TNFRSF9: variants seen among roughly 807,000 people sequenced by gnomAD.
TNFRSF9 encodes the protein TNF receptor superfamily member 9, also known as tumor necrosis factor receptor superfamily member 9.
A neutral mutation model predicts 28.8 loss-of-function variants in TNFRSF9; 16 were observed. That is an observed-to-expected ratio of 0.55 (90% CI 0.38 to 0.84). The LOEUF (loss-of-function observed/expected upper bound fraction) is 0.84. Among genes scored for constraint, TNFRSF9 ranks in the 40% least tolerant of loss-of-function variants. TNFRSF9 has a pLI of 0.00. For synonymous variants in TNFRSF9, 131 were observed against 117.0 expected (o/e 1.12, Z -0.77); for missense variants, 303 against 315.0 (o/e 0.96, Z 0.29).
intron 7 of TNFRSF9, among the ~76,000 whole-genome samples, chr1:7,930,306 C>T (rs919152724): frequency 2.0e-5 from 3 of 152,090 alleles, no homozygotes; most frequent in African/African-American, 7.2e-5. Context: ...GAACCCGGGT[C>T]GTGATGGCGA....
intron 6 of TNFRSF9, among the ~76,000 whole-genome samples, chr1:7,934,186 A>G (rs1461255101): frequency 6.6e-6 from 1 of 152,052 alleles, no homozygotes; most frequent in Non-Finnish European, 1.5e-5. Context: ...GAGCAGCCTG[A>G]GCAACATAGC....
chr1:7,920,772 C>CG lies in TNFRSF9; in HGVS notation c.*62dup. On this transcript the variant is annotated 3_prime_UTR_variant, in exon 8 of 8. Transcript: ENST00000377507. ...TTCTTGCTTTTGAAAGCTGTGATAGCGGATGACTCATATTTCCTTGCTTCT... is the reference window on the plus strand; with the variant it reads ...TTCTTGCTTTTGAAAGCTGTGATAGCGGGATGACTCATATTTCCTTGCTTCT... The CG allele has an allele frequency of 7.8e-7, 1 of 1,279,450 alleles. No individual in the cohort carries two copies. The allele number at this position is 1,279,450 out of a possible 1,614,324, so 79.3% of individuals were successfully genotyped here.
Position 7,920,913 on chromosome 1 carries a change from T to C in TNFRSF9, c.690A>G (p.Arg230=). ...LLYIFKQPFM[R]PVQTTQEEDG... Reference sequence around the variant, plus strand: ...CTTCCTCTTGAGTAGTTTGTACTGGTCTCATAAATGCTAAAAAAAAAATTT... The same window carrying C: ...CTTCCTCTTGAGTAGTTTGTACTGGCCTCATAAATGCTAAAAAAAAAATTT... The change falls in exon 8 of 8, where the codon AGA becomes AGG. Residue 230 remains arginine, a synonymous_variant. Coordinates refer to ENST00000377507, the MANE Select transcript of TNFRSF9 (RefSeq NM_001561.6). 6.2e-7 allele frequency: 1 copy of C among 1,612,876 alleles called. No homozygotes were observed.
chr1:7,939,210 C>T (rs907458414), intron 2 of TNFRSF9, among the ~76,000 whole-genome samples: 8 of 151,588 alleles, frequency 5.3e-5, no homozygotes, highest in Admixed American at 2.6e-4. Context: ...ATCCCAGCTA[C>T]TCGGGAGGCT....
In TNFRSF9 at chr1:7,934,981, C is replaced by A. The variant is rs371523080; in HGVS notation, c.544+32G>T. ...TACAATCTGGAATCACCATAAGATA[C>A]GCACTTTGGCGTAAAGGCATAGCCC... On this transcript the variant is annotated intron_variant, in intron 6 of 7. Coordinates refer to ENST00000377507, the MANE Select transcript of TNFRSF9 (RefSeq NM_001561.6). 170 of 1,610,976 alleles carry A rather than the reference C, an allele frequency of 1.1e-4. 1 individual carries two copies. The highest frequency in any genetic ancestry group is 1.4e-4 in the Non-Finnish European group (163 of 1,178,790).
rs1028497788 is a variant in TNFRSF9, at chr1:7,918,405, G to A, written c.*2430C>T. ...TGGGTTTGTTTGTTTCTGAGAAAAG[G>A]TTTTTCTCTGTTGCCCAGGCTGAAG... is the stretch of plus-strand genomic sequence containing the variant. On this transcript the variant is annotated 3_prime_UTR_variant, in exon 8 of 8. Coordinates refer to ENST00000377507, the MANE Select transcript of TNFRSF9 (RefSeq NM_001561.6). 1 of 151,982 alleles carries A rather than the reference G, an allele frequency of 6.6e-6. No individual in the cohort carries two copies. Among genetic ancestry groups the A allele is most frequent in the Non-Finnish European group, 1.5e-5 (1 of 68,012 alleles). 9.4% of individuals were successfully genotyped at this position (151,982 alleles called of 1,614,324 possible).
Position 7,919,528 on chromosome 1 carries a change from A to G in TNFRSF9, c.*1307T>C, listed in dbSNP as rs1209347928. 1 of 152,178 alleles carries G rather than the reference A, an allele frequency of 6.6e-6. No homozygotes were observed. The highest frequency in any genetic ancestry group is 1.5e-5 in the Non-Finnish European group (1 of 68,050). 9.4% of individuals were successfully genotyped at this position (152,178 alleles called of 1,614,324 possible). A position where few individuals can be genotyped will look rare whatever the true frequency, so the allele number is the denominator to read the frequency against. On this transcript the variant is annotated 3_prime_UTR_variant, in exon 8 of 8. Coordinates refer to ENST00000377507, the MANE Select transcript of TNFRSF9 (RefSeq NM_001561.6). ...AAAAATAAAATGAATAAAATTTAAA[A>G]AGCTATCCTTAGATCATAAGCCAAA...
chr1:7,933,078 G>A, intron 7 of TNFRSF9, 84 bp downstream of exon 7: 3 of 1,495,092 alleles, frequency 2.0e-6, no homozygotes, highest in Non-Finnish European at 2.7e-6. Context: ...CTCATTTCTA[G>A]AATTTTTTTT....
At chr1:7,937,832 A>G (rs1427878731) in intron 4 of TNFRSF9, 76 bp from the exon 5 acceptor site, 1 of 1,288,924 alleles carries the variant, frequency 7.8e-7, no homozygotes, top group Admixed American at 1.7e-5. Context: ...GATGAACTTA[A>G]TATAAGTCAT....
At chr1:7,920,953 TTTG>T (rs1385923185) in intron 7 of TNFRSF9, 30 bp from the exon 8 acceptor site, 1 of 1,465,126 alleles carries the variant, frequency 6.8e-7, no homozygotes, top group East Asian at 2.3e-5. Flanking sequence ...ATACGTATAT[TTTG>T]TTGTCTATTT....
chr1:7,940,413 C>T (rs1436619918), intron 1 of TNFRSF9, among the ~76,000 whole-genome samples: 1 of 152,138 alleles, frequency 6.6e-6, no homozygotes, highest in East Asian at 1.9e-4. Flanking sequence ...TACTTATTGC[C>T]CCTGAAATAA....
At chr1:7,924,456 G>A (rs960215054) in intron 7 of TNFRSF9, among the ~76,000 whole-genome samples, 5 of 151,622 alleles carry the variant, frequency 3.3e-5, no homozygotes, top group African/African-American at 1.2e-4. Context: ...GTGAAACCCT[G>A]TCTCTACTAA....
At chr1:7,938,606 G>T in intron 3 of TNFRSF9, 115 bp downstream of exon 3, 2 of 947,190 alleles carry the variant, frequency 2.1e-6, no homozygotes, top group Non-Finnish European at 3.1e-6. Context: ...CTGGTTGGCA[G>T]AAGAATCAGT....
Position 7,939,275 on chromosome 1 carries a change from G to A in TNFRSF9, c.101-447C>T, listed in dbSNP as rs190746805. 3.5e-3 allele frequency among the ~76,000 whole-genome samples: 523 copies of A among 149,412 alleles called. 1 individual carries two copies. The highest frequency in any genetic ancestry group is 0.012 in the African/African-American group (470 of 40,500). ...GCCAAGGTTGCAGTGAGCTGAGATC[G>A]TGCCACTGCACTCCAGCCTGGGCGA... On this transcript the variant is annotated intron_variant, in intron 2 of 7. Coordinates refer to ENST00000377507, the MANE Select transcript of TNFRSF9 (RefSeq NM_001561.6).
At chr1:7,939,252 CAAGG>C (rs1251547193) in intron 2 of TNFRSF9, among the ~76,000 whole-genome samples, 1 of 147,898 alleles carries the variant, frequency 6.8e-6, no homozygotes, top group Non-Finnish European at 1.5e-5. Flanking sequence ...CCTGGGAGGC[CAAGG>C]TTGCAGTGAG....
intron 5 of TNFRSF9, among the ~76,000 whole-genome samples, chr1:7,937,341 A>AT (rs1639831442): frequency 6.6e-6 from 1 of 151,894 alleles, no homozygotes. Flanking sequence ...TAATTTTTTG[A>AT]TTTTTTGTAG....
chr1:7,921,033 C>G, intron 7 of TNFRSF9, 110 bp from the exon 8 acceptor site: 1 of 818,636 alleles, frequency 1.2e-6, no homozygotes, highest in East Asian at 2.6e-5. Context: ...AAACATTCTC[C>G]CCTTTAATTT....
intron 5 of TNFRSF9, among the ~76,000 whole-genome samples, chr1:7,935,630 A>G (rs1308567865): frequency 6.6e-6 from 1 of 152,200 alleles, no homozygotes; most frequent in Non-Finnish European, 1.5e-5. Flanking sequence ...GTTGGAGACC[A>G]GCCTGAGCAA....
At chr1:7,923,993 G>A (rs1309011299) in intron 7 of TNFRSF9, among the ~76,000 whole-genome samples, 4 of 152,044 alleles carry the variant, frequency 2.6e-5, no homozygotes, top group East Asian at 1.9e-4. Flanking sequence ...GTCATACAGC[G>A]TACAACAACG....
Sources: gnomAD v4.1 joint callset for allele counts (sites outside exome capture counted in the v4.1 genomes callset) on GRCh38, gnomAD v4.1.1 for gene constraint, MANE v1.5 for transcripts, NCBI Gene and HGNC (gene_info 2026-07-23, HGNC 2026-07-21) for gene names.